The following CMTM4 variants were observed in gnomAD, a reference collection of about 807,000 sequenced individuals.
The protein encoded by CMTM4 is CKLF like MARVEL transmembrane domain containing 4.
A neutral mutation model predicts 19.0 loss-of-function variants in CMTM4; 8 were observed. That is an observed-to-expected ratio of 0.42 (90% CI 0.25 to 0.76). The LOEUF (loss-of-function observed/expected upper bound fraction) is 0.76. CMTM4 is among the 30% of genes least tolerant of loss of function. The pLI, the probability that CMTM4 is intolerant of heterozygous loss-of-function variation, is 0.27. For synonymous variants in CMTM4, 106 were observed against 121.1 expected (o/e 0.88, Z 0.82); for missense variants, 228 against 290.2 (o/e 0.79, Z 1.56).
At chr16:66,688,189 G>T (rs1567434632) in intron 1 of CMTM4, among the ~76,000 whole-genome samples, 1 of 152,018 alleles carries the variant, frequency 6.6e-6, no homozygotes, top group African/African-American at 2.4e-5. Flanking sequence ...ATTCATGAGG[G>T]CTGAGCCCTC....
chr16:66,630,276 A>C (rs1461358152), intron 2 of CMTM4, among the ~76,000 whole-genome samples: 3 of 141,872 alleles, frequency 2.1e-5, no homozygotes, highest in Non-Finnish European at 3.1e-5. Flanking sequence ...AAAAAAACAC[A>C]AGACTTTCCC....
At chr16:66,609,835 G>C (rs199547700), downstream of CMTM4, 1 of 1,614,050 alleles carries the variant, frequency 6.2e-7, no homozygotes, top group Non-Finnish European at 8.5e-7. The surrounding 1 kb of genome is among the most constrained non-coding windows in gnomAD (Gnocchi z 4.4). Context: ...GCAGCCTCCC[G>C]GAGCAGGGAG....
chr16:66,630,039 G>A (rs186743793), intron 2 of CMTM4, among the ~76,000 whole-genome samples: 4 of 152,248 alleles, frequency 2.6e-5, no homozygotes, highest in Admixed American at 6.5e-5. Context: ...AACCTGAGGG[G>A]TGGTGGAAAC....
At chr16:66,635,414 G>C (rs1382600145) in intron 2 of CMTM4, among the ~76,000 whole-genome samples, 1 of 152,158 alleles carries the variant, frequency 6.6e-6, no homozygotes, top group East Asian at 1.9e-4. Flanking sequence ...GAGAGCACCT[G>C]TAAGGAGGAC....
At chr16:66,640,112 T>A (rs1055569373) in intron 1 of CMTM4, among the ~76,000 whole-genome samples, 2 of 151,238 alleles carry the variant, frequency 1.3e-5, no homozygotes, top group African/African-American at 4.9e-5. Flanking sequence ...TCACATGAGG[T>A]CAGGAGTTCG....
At chr16:66,612,619 C>T (rs776349331), downstream of CMTM4, 8 of 1,614,058 alleles carry the variant, frequency 5.0e-6, no homozygotes, top group Non-Finnish European at 6.8e-6. This position sits in a 1 kb window ranked among gnomAD's most constrained non-coding sequence, Gnocchi z 6.0. Flanking sequence ...AAGAGAATTC[C>T]GACTCGGACT....
intron 1 of CMTM4, among the ~76,000 whole-genome samples, chr16:66,689,910 T>G (rs2017105120): frequency 6.6e-6 from 1 of 152,214 alleles, no homozygotes; most frequent in Non-Finnish European, 1.5e-5. Context: ...TAGTATCATT[T>G]TCTTGAACTG....
intron 1 of CMTM4, among the ~76,000 whole-genome samples, chr16:66,670,629 G>A (rs1005795323): frequency 5.9e-5 from 9 of 151,838 alleles, no homozygotes; most frequent in East Asian, 3.9e-4. Context: ...GTGAAACCCC[G>A]TCTTTACTAA....
At chr16:66,681,473 C>T (rs529276010) in intron 1 of CMTM4, among the ~76,000 whole-genome samples, 55 of 152,166 alleles carry the variant, frequency 3.6e-4, no homozygotes, top group African/African-American at 1.3e-3. Context: ...CCCGCCACCA[C>T]GCCCAGCTAA....
intron 1 of CMTM4, among the ~76,000 whole-genome samples, chr16:66,661,534 T>C (rs1260024383): frequency 6.6e-6 from 1 of 152,218 alleles, no homozygotes; most frequent in Admixed American, 6.5e-5. Context: ...TGTTCGCTAA[T>C]ATGAAAAGAT....
chr16:66,613,403 C>T, downstream of CMTM4: 1 of 408,272 alleles, frequency 2.4e-6, no homozygotes, highest in Non-Finnish European at 4.5e-6. Context: ...CCAGCCAAAC[C>T]CTCCTTCTTC....
rs775507643 is a variant in CMTM4 at position 66,617,930 on chromosome 16, T to C, written c.*4128A>G. On this transcript the variant is annotated 3_prime_UTR_variant, in exon 4 of 4. Coordinates refer to ENST00000394106, the MANE Select transcript of CMTM4 (RefSeq NM_181521.3). ...AAAGACAAGAGGACAGGAAGGCAGT[T>C]AACAAAGTACACGTTTCCAAGACAG... 518 of 987,316 alleles carry C rather than the reference T, an allele frequency of 5.2e-4. No individual in the cohort carries two copies. The highest frequency in any genetic ancestry group is 6.1e-4 in the Non-Finnish European group (508 of 831,348). 61.2% of individuals were successfully genotyped at this position (987,316 alleles called of 1,614,324 possible).
At chr16:66,635,829 C>T (rs1232291695) in intron 2 of CMTM4, among the ~76,000 whole-genome samples, 3 of 152,168 alleles carry the variant, frequency 2.0e-5, no homozygotes, top group Non-Finnish European at 2.9e-5. Context: ...CTAGGACTGA[C>T]CAGCCCTGTG....
At chr16:66,695,276 G>A (rs994668246) in intron 1 of CMTM4, among the ~76,000 whole-genome samples, 6 of 152,190 alleles carry the variant, frequency 3.9e-5, no homozygotes, top group African/African-American at 1.4e-4. Context: ...GAGCCTGGGA[G>A]GTCGAACCTG....
At chr16:66,632,353 CAT>C (rs958940268) in intron 2 of CMTM4, among the ~76,000 whole-genome samples, 11 of 152,122 alleles carry the variant, frequency 7.2e-5, no homozygotes, top group Non-Finnish European at 1.2e-4. Context: ...AAGACCACCA[CAT>C]AGTCAGGATG....
At chr16:66,638,656 C>T (rs537336216) in intron 1 of CMTM4, among the ~76,000 whole-genome samples, 5 of 152,060 alleles carry the variant, frequency 3.3e-5, no homozygotes, top group Non-Finnish European at 5.9e-5. Flanking sequence ...GTCAGGAGTT[C>T]GAGACCAGCC....
chr16:66,640,370 A>G (rs1173827472), intron 1 of CMTM4, among the ~76,000 whole-genome samples: 1 of 152,210 alleles, frequency 6.6e-6, no homozygotes, highest in African/African-American at 2.4e-5. Context: ...TTTGAGACAG[A>G]GTTGCCGAAC....
At chr16:66,599,232 T>C in the CMTM4 span, among the ~76,000 whole-genome samples, 27 of 152,118 alleles carry the variant, frequency 1.8e-4, no homozygotes, top group Admixed American at 3.3e-4. Context: ...AGAGGTTGCA[T>C]TGAGCTGAGA....
At chr16:66,652,021 T>C (rs903136767) in intron 1 of CMTM4, among the ~76,000 whole-genome samples, 2 of 152,102 alleles carry the variant, frequency 1.3e-5, no homozygotes, top group Non-Finnish European at 1.5e-5. Context: ...AAAGAAGTAA[T>C]AGAAAATTAC....
Sources: allele counts gnomAD v4.1 joint callset (sites outside exome capture counted in the v4.1 genomes callset), GRCh38; gene constraint gnomAD v4.1.1; non-coding constraint Gnocchi (gnomAD v3.1); transcripts MANE v1.5; gene names NCBI Gene and HGNC (gene_info 2026-07-23, HGNC 2026-07-21).